MCC: variants seen among roughly 807,000 people sequenced by gnomAD.
MCC encodes MCC regulator of Wnt signaling pathway, also known as colorectal mutant cancer protein.
In MCC, 90 loss-of-function variants were observed where a neutral mutation model predicts 116.2. That is an observed-to-expected ratio of 0.77 (90% CI 0.65 to 0.92). The LOEUF (loss-of-function observed/expected upper bound fraction) is 0.92, where lower values mean the gene tolerates loss of function less well. Among genes scored for constraint, MCC ranks in the 40% least tolerant of loss-of-function variants. MCC has a pLI of 0.00. For missense variants in MCC, 1,516 were observed against 1,312.2 expected (o/e 1.16, Z -2.40); for synonymous variants, 578 against 510.5 (o/e 1.13, Z -1.78).
chr5:113,053,154 A>T (rs6594668), intron 15 of MCC, among the ~76,000 whole-genome samples: 1 of 152,078 alleles, frequency 6.6e-6, no homozygotes, highest in East Asian at 1.9e-4. Context: ...CTGTAGAAAT[A>T]CCAGCAGGTA....
chr5:113,322,931 T>C (rs936757947), intron 3 of MCC: 1 of 152,246 alleles, frequency 6.6e-6, no homozygotes, highest in Non-Finnish European at 1.5e-5. Flanking sequence ...GTGTAACCAA[T>C]AGGATACTGC....
chr5:113,329,414 C>A (rs1025779575), intron 3 of MCC, among the ~76,000 whole-genome samples: 4 of 151,192 alleles, frequency 2.6e-5, no homozygotes, highest in Non-Finnish European at 3.0e-5. Context: ...AAACATATAT[C>A]CACACATACA....
At chr5:113,338,537 G>A (rs1471846950) in intron 3 of MCC, among the ~76,000 whole-genome samples, 6 of 152,222 alleles carry the variant, frequency 3.9e-5, no homozygotes, top group African/African-American at 2.4e-5. Context: ...CAGATTTGCT[G>A]CAGAAAACTG....
chr5:113,388,200 T>A (rs1332963697), intron 1 of MCC, among the ~76,000 whole-genome samples: 1 of 152,164 alleles, frequency 6.6e-6, no homozygotes, highest in Non-Finnish European at 1.5e-5. Flanking sequence ...GAGGCTGATA[T>A]AAAAGATCAA....
chr5:113,175,855 G>C (rs998144085), intron 3 of MCC, among the ~76,000 whole-genome samples: 3 of 151,676 alleles, frequency 2.0e-5, no homozygotes, highest in Non-Finnish European at 4.4e-5. Flanking sequence ...TGAGTCTGGA[G>C]ACAAATTTAG....
At chr5:113,307,994 A>G (rs1767032324) in intron 3 of MCC, among the ~76,000 whole-genome samples, 1 of 150,400 alleles carries the variant, frequency 6.6e-6, no homozygotes, top group Non-Finnish European at 1.5e-5. Flanking sequence ...TTTTCTAAAG[A>G]CAGAGTGTTG....
intron 16 of MCC, among the ~76,000 whole-genome samples, chr5:113,044,704 A>G (rs1198130122): frequency 6.6e-6 from 1 of 152,290 alleles, no homozygotes; most frequent in East Asian, 1.9e-4. Flanking sequence ...CCTCCCGAGT[A>G]GCTGGGATTA....
At chr5:113,439,129 T>G (rs2150414810) in intron 1 of MCC, among the ~76,000 whole-genome samples, 1 of 152,182 alleles carries the variant, frequency 6.6e-6, no homozygotes, top group South Asian at 2.1e-4. Flanking sequence ...TTCCAAGAGA[T>G]CAGACAGAAA....
At chr5:113,156,764 A>G (rs2150294561) in intron 3 of MCC, among the ~76,000 whole-genome samples, 1 of 152,338 alleles carries the variant, frequency 6.6e-6, no homozygotes, top group South Asian at 2.1e-4. Context: ...GGCTGTTTTG[A>G]GCCCTGCTTC....
Position 113,100,849 on chromosome 5 carries a change from A to C in MCC, c.1398+890T>G, listed in dbSNP as rs114565785. 3.8e-3 allele frequency among the ~76,000 whole-genome samples: 582 copies of C among 152,308 alleles called. 5 individuals are homozygous for C. Among genetic ancestry groups the C allele is most frequent in the African/African-American group, 0.014 (562 of 41,572 alleles). ...AGCACAACTAGAAAACAAGCTTCTA[A>C]TATTGCCAAGACCAAGAAAGAGAGT... On this transcript the variant is annotated intron_variant, in intron 8 of 18. Coordinates refer to ENST00000408903, the MANE Select transcript of MCC (RefSeq NM_001085377.2).
intron 8 of MCC, 123 bp from the exon 9 acceptor site, chr5:113,085,433 T>G (rs1395798217): frequency 1.1e-6 from 1 of 911,234 alleles, no homozygotes; most frequent in Non-Finnish European, 1.7e-6. Flanking sequence ...AAAGCTAGGT[T>G]GGTTGAGTCC....
intron 3 of MCC, among the ~76,000 whole-genome samples, chr5:113,254,245 A>T (rs950666853): frequency 6.6e-6 from 1 of 152,220 alleles, no homozygotes; most frequent in Non-Finnish European, 1.5e-5. Flanking sequence ...GAGGACGGAT[A>T]AGCAGAGGCT....
At chr5:113,391,247 G>A (rs1467203042) in intron 1 of MCC, among the ~76,000 whole-genome samples, 2 of 152,170 alleles carry the variant, frequency 1.3e-5, no homozygotes, top group African/African-American at 4.8e-5. Context: ...TGATACAGGC[G>A]CTAGAAATCC....
chr5:113,184,776 G>C (rs1329242011), intron 3 of MCC, among the ~76,000 whole-genome samples: 1 of 152,150 alleles, frequency 6.6e-6, no homozygotes, highest in Non-Finnish European at 1.5e-5. Flanking sequence ...AAAATCCTTA[G>C]AGTCCACTGA....
chr5:113,128,299 TG>T (rs1393164946), intron 5 of MCC, among the ~76,000 whole-genome samples: 39 of 152,242 alleles, frequency 2.6e-4, no homozygotes, highest in African/African-American at 9.4e-4. Context: ...GTCAGTCAGC[TG>T]TGGCCAACTA....
chr5:113,048,356 C>A (rs910865101), intron 16 of MCC, among the ~76,000 whole-genome samples: 3 of 152,184 alleles, frequency 2.0e-5, no homozygotes, highest in Non-Finnish European at 2.9e-5. Context: ...TGAAACCTTG[C>A]ACTGACCTGC....
rs369972958 is a variant in MCC at position 113,434,437 on chromosome 5, G to A, written c.171-49225C>T. On this transcript the variant is annotated intron_variant, in intron 1 of 18. Coordinates refer to ENST00000408903, the MANE Select transcript of MCC (RefSeq NM_001085377.2). The surrounding 1 kb of genome is among the most constrained non-coding windows in gnomAD (Gnocchi z 4.2). ...AGAAGGTTGTCACACTTGAGGTCCC[G>A]GTGGACGACGTCCAGGTCGTGGCAG... 3.2e-5 allele frequency: 51 copies of A among 1,613,768 alleles called. No individual in the cohort carries two copies. The highest frequency in any genetic ancestry group is 3.8e-5 in the Non-Finnish European group (45 of 1,179,984).
intron 3 of MCC, among the ~76,000 whole-genome samples, chr5:113,244,504 G>A (rs974249753): frequency 4.6e-5 from 7 of 152,142 alleles, no homozygotes; most frequent in Admixed American, 1.3e-4. Flanking sequence ...AACTTTAGAC[G>A]TTCCAGCTTT....
chr5:113,479,397 G>C (rs1279477312), intron 1 of MCC, among the ~76,000 whole-genome samples: 2 of 152,038 alleles, frequency 1.3e-5, no homozygotes, highest in African/African-American at 4.8e-5. Flanking sequence ...GTGGTTAAAG[G>C]GGTATATAAA....
Sources: gnomAD v4.1 joint callset for allele counts (sites outside exome capture counted in the v4.1 genomes callset) on GRCh38, gnomAD v4.1.1 for gene constraint, Gnocchi (gnomAD v3.1) non-coding constraint, MANE v1.5 for transcripts, NCBI Gene and HGNC (gene_info 2026-07-23, HGNC 2026-07-21) for gene names.